ETV1: variants seen among roughly 807,000 people sequenced by gnomAD.
The protein encoded by ETV1 is ETS variant transcription factor 1, also known as ETS translocation variant 1.
In ETV1, 27 loss-of-function variants were observed where a neutral mutation model predicts 62.3. The ratio of observed to expected loss-of-function variants is 0.43; its 90% confidence interval spans 0.32 to 0.60. ETV1 has a LOEUF of 0.60. Ranked by LOEUF, ETV1 falls within the 20% of genes least tolerant of loss-of-function variation. The probability of loss-of-function intolerance (pLI) is 0.06; values close to 1 mark genes in which losing one functional copy is unlikely to be tolerated. For missense variants in ETV1, 605 were observed against 605.8 expected, an observed-to-expected ratio of 1.00 and a Z score of 0.01; for synonymous variants, 222 against 199.6, an observed-to-expected ratio of 1.11 and a Z score of -0.94.
chr7:13,945,619 G>A (rs1204761138), intron 6 of ETV1, among the ~76,000 whole-genome samples: 1 of 152,028 alleles, frequency 6.6e-6, no homozygotes, highest in Non-Finnish European at 1.5e-5. Context: ...TAACTTTCCT[G>A]CTTCCTGGAG....
chr7:13,985,138 T>C (rs1409313666), intron 5 of ETV1, among the ~76,000 whole-genome samples: 10 of 152,038 alleles, frequency 6.6e-5, no homozygotes, highest in Non-Finnish European at 1.5e-4. Context: ...GAGAAGCAAA[T>C]AAATTCTCTC....
At chr7:13,907,263 T>C (rs545181663) in intron 11 of ETV1, among the ~76,000 whole-genome samples, 1 of 152,264 alleles carries the variant, frequency 6.6e-6, no homozygotes, top group Non-Finnish European at 1.5e-5. Context: ...TTAAAGCTAC[T>C]ACTTTTTCAA....
intron 6 of ETV1, among the ~76,000 whole-genome samples, chr7:13,965,561 T>A (rs1790689140): frequency 1.3e-5 from 2 of 152,192 alleles, no homozygotes; most frequent in African/African-American, 2.4e-5. Context: ...GAGATGGGAT[T>A]CTCAGCTGTG....
chr7:13,906,535 A>G lies in ETV1; in HGVS notation c.1005T>C (p.Leu335=). 1 of 1,612,684 alleles carries G rather than the reference A, an allele frequency of 6.2e-7. No homozygotes were observed. Among genetic ancestry groups the G allele is most frequent in the Non-Finnish European group, 8.5e-7 (1 of 1,179,318 alleles). ...EGPTYQRRGS[L]QLWQFLVALL... ...GAGCTACCAAAAACTGCCAGAGCTG[A>G]AGTGATCCTCGCCGTTGGTATGTGG... The change falls in exon 12 of 14, where the codon CTT becomes CTC. Residue 335 remains leucine, a synonymous_variant. Transcript: ENST00000430479.
chr7:13,897,555 C>G (rs1364581862), intron 13 of ETV1, among the ~76,000 whole-genome samples: 1 of 152,110 alleles, frequency 6.6e-6, no homozygotes, highest in African/African-American at 2.4e-5. Context: ...TCTCAGTGGC[C>G]TTTGCTGTGA....
In ETV1 at chr7:13,894,937, A is replaced by T. The variant is rs896280500; in HGVS notation, c.*929T>A. Reference sequence around the variant, plus strand: ...AGAACAGCATAATACATGATTTAGTACAGTTAATTCTTATTGATTAAATAA... The same window carrying T: ...AGAACAGCATAATACATGATTTAGTTCAGTTAATTCTTATTGATTAAATAA... On this transcript the variant is annotated 3_prime_UTR_variant, in exon 14 of 14. Coordinates refer to ENST00000430479, the MANE Select transcript of ETV1 (RefSeq NM_004956.5). The T allele has an allele frequency of 4.3e-6, 1 of 232,820 alleles. No homozygotes were observed. Among genetic ancestry groups the T allele is most frequent in the South Asian group, 1.8e-4 (1 of 5,524 alleles). The allele number at this position is 232,820 out of a possible 1,614,324, so 14.4% of individuals were successfully genotyped here.
chr7:13,940,334 C>CT (rs1787334418), intron 6 of ETV1, among the ~76,000 whole-genome samples: 1 of 149,742 alleles, frequency 6.7e-6, no homozygotes, highest in Non-Finnish European at 1.5e-5. Flanking sequence ...TGCACTCCAG[C>CT]CTGGGCAACA....
chr7:13,930,374 T>C lies in ETV1; in HGVS notation c.802+1128A>G, dbSNP rs191845791. On this transcript the variant is annotated intron_variant, in intron 9 of 13. Transcript: ENST00000430479. ...TCTTACTCTGTCACCCAGGCTAGAGTGCAGTGGCGCAATCTTGGCTCACTG... is the reference window on the plus strand; with the variant it reads ...TCTTACTCTGTCACCCAGGCTAGAGCGCAGTGGCGCAATCTTGGCTCACTG... Among the ~76,000 whole-genome samples the C allele has an allele frequency of 1.1e-4, 17 of 152,140 alleles. No individual in the cohort carries two copies. In the East Asian group the frequency reaches 3.3e-3, roughly 30 times the overall value.
chr7:13,893,514 A>C lies in ETV1; in HGVS notation c.*2352T>G, dbSNP rs955741493. On this transcript the variant is annotated 3_prime_UTR_variant, in exon 14 of 14. Transcript: ENST00000430479. ...TATAGTTTGTCCTTAAATATTATAT[A>C]ACTAATACCATTTCTGCCATTGTTC... 3.9e-5 allele frequency: 9 copies of C among 231,610 alleles called. No individual in the cohort carries two copies. Among genetic ancestry groups the C allele is most frequent in the Non-Finnish European group, 7.7e-5 (9 of 117,196 alleles). 14.3% of individuals were successfully genotyped at this position (231,610 alleles called of 1,614,324 possible). A position where few individuals can be genotyped will look rare whatever the true frequency, so the allele number is the denominator to read the frequency against.
chr7:13,975,329 G>A lies in ETV1; in HGVS notation c.235+2098C>T, dbSNP rs373724535. ...TGGGAGGCCAAGGCGGGCGGATCAC[G>A]AGGTCAGGAGATCGAGACCATCCTG... On this transcript the variant is annotated intron_variant, in intron 6 of 13. Coordinates refer to ENST00000430479, the MANE Select transcript of ETV1 (RefSeq NM_004956.5). 1.8e-4 allele frequency among the ~76,000 whole-genome samples: 28 copies of A among 152,050 alleles called. No individual in the cohort carries two copies. The East Asian group carries it at 3.3e-3, about 18-fold the overall frequency.
At chr7:13,969,030 G>A (rs1045944839) in intron 6 of ETV1, among the ~76,000 whole-genome samples, 2 of 152,132 alleles carry the variant, frequency 1.3e-5, no homozygotes, top group African/African-American at 4.8e-5. Context: ...TACTGGAAAG[G>A]GGGCTGCTGG....
At chr7:13,967,870 T>C (rs929437699) in intron 6 of ETV1, among the ~76,000 whole-genome samples, 1 of 152,142 alleles carries the variant, frequency 6.6e-6, no homozygotes, top group African/African-American at 2.4e-5. Context: ...TTTTCATGAC[T>C]GCTTTATTTT....
At chr7:13,979,519 G>C (rs950947012) in intron 5 of ETV1, among the ~76,000 whole-genome samples, 6 of 152,028 alleles carry the variant, frequency 3.9e-5, no homozygotes, top group African/African-American at 1.4e-4. Context: ...TTTCAAGTAA[G>C]TCTTCATATC....
intron 6 of ETV1, among the ~76,000 whole-genome samples, chr7:13,974,010 G>A (rs1299956434): frequency 1.3e-5 from 2 of 152,140 alleles, no homozygotes; most frequent in Non-Finnish European, 2.9e-5. Context: ...TGAATGTGAC[G>A]TGTTTCTTGT....
intron 9 of ETV1, among the ~76,000 whole-genome samples, chr7:13,912,572 A>T (rs2128421724): frequency 6.6e-6 from 1 of 152,326 alleles, no homozygotes; most frequent in East Asian, 1.9e-4. Context: ...CAAAGGCCCA[A>T]CTTGTGAACT....
chr7:13,955,370 T>A (rs1789298894), intron 6 of ETV1, among the ~76,000 whole-genome samples: 1 of 152,222 alleles, frequency 6.6e-6, no homozygotes, highest in Non-Finnish European at 1.5e-5. Flanking sequence ...AAGACTGTGA[T>A]TGGGCAGGGC....
rs766711230 is a variant in ETV1, at chr7:13,939,164, T to C, written c.318A>G (p.Glu106=). Reference sequence around the variant, plus strand: ...CTCCATAGCTGAATTTAAAGGGCTGTTCTTGACTGCAGGCAGAGCTGATTT... The same window carrying C: ...CTCCATAGCTGAATTTAAAGGGCTGCTCTTGACTGCAGGCAGAGCTGATTT... ...CSEISSACSQ[E]QPFKFSYGEK... Residue 106 remains glutamate (E), a synonymous_variant, in exon 7 of 14, where the codon GAA becomes GAG. Transcript: ENST00000430479. The C allele has an allele frequency of 6.2e-7, 1 of 1,613,472 alleles. No homozygotes were observed.
At chr7:13,944,445 G>A (rs1352119630) in intron 6 of ETV1, among the ~76,000 whole-genome samples, 2 of 152,074 alleles carry the variant, frequency 1.3e-5, no homozygotes, top group African/African-American at 4.8e-5. Flanking sequence ...GGGAATAGGG[G>A]CACTAATCCC....
At chr7:13,966,138 G>C (rs1380916391) in intron 6 of ETV1, among the ~76,000 whole-genome samples, 2 of 152,136 alleles carry the variant, frequency 1.3e-5, no homozygotes, top group African/African-American at 4.8e-5. Flanking sequence ...TGATCTCAAT[G>C]AATAGGACAA....
Sources: allele counts gnomAD v4.1 joint callset (sites outside exome capture counted in the v4.1 genomes callset), GRCh38; gene constraint gnomAD v4.1.1; transcripts MANE v1.5; gene names NCBI Gene and HGNC (gene_info 2026-07-23, HGNC 2026-07-21).